Variants in SMARCA2 observed in about 807,000 individuals in gnomAD.
SMARCA2 encodes the protein SWI/SNF related BAF chromatin remodeling complex subunit ATPase 2.
A neutral mutation model predicts 199.8 loss-of-function variants in SMARCA2; 61 were observed. The ratio of observed to expected loss-of-function variants is 0.31; its 90% confidence interval spans 0.25 to 0.38. The LOEUF (loss-of-function observed/expected upper bound fraction) is 0.38, where lower values mean the gene tolerates loss of function less well. Among genes scored for constraint, SMARCA2 ranks in the 10% least tolerant of loss-of-function variants. The pLI, the probability that SMARCA2 is intolerant of heterozygous loss-of-function variation, is 1.00. For synonymous variants in SMARCA2, 935 were observed against 732.0 expected, an observed-to-expected ratio of 1.28 and a Z score of -4.48; for missense variants, 1,344 against 2,012.2, an observed-to-expected ratio of 0.67 and a Z score of 6.35.
intron 9 of SMARCA2, among the ~76,000 whole-genome samples, chr9:2,065,547 C>T (rs1375586269): frequency 6.6e-6 from 1 of 152,166 alleles, no homozygotes; most frequent in Admixed American, 6.5e-5. Flanking sequence ...TATTGGCCAA[C>T]ATAGTGGTAG....
At chr9:2,124,521 A>G (rs993365086) in intron 27 of SMARCA2, among the ~76,000 whole-genome samples, 4 of 152,182 alleles carry the variant, frequency 2.6e-5, no homozygotes, top group African/African-American at 9.7e-5. Context: ...GCTATGCAGG[A>G]CACACAGCTG....
chr9:2,061,044 A>C (rs917103832), intron 9 of SMARCA2, 58 bp downstream of exon 9: 2 of 1,520,772 alleles, frequency 1.3e-6, no homozygotes, highest in Non-Finnish European at 1.8e-6. Context: ...ATAAGTTTTT[A>C]AGGCGAGTAT....
In SMARCA2 at chr9:2,110,740, A is replaced by T. The variant is rs1822956090; in HGVS notation, c.3456+323A>T. On this transcript the variant is annotated intron_variant, in intron 24 of 33. Coordinates refer to ENST00000349721, the MANE Select transcript of SMARCA2 (RefSeq NM_003070.5). The surrounding 1 kb of genome is among the most constrained non-coding windows in gnomAD (Gnocchi z 4.8). ...ATGTTGCAAAATCATAGCAGTAAGA[A>T]CAATAGCAACCATCATTCATGGGAC... 1.3e-5 allele frequency among the ~76,000 whole-genome samples: 2 copies of T among 152,228 alleles called. No individual in the cohort carries two copies. The highest frequency in any genetic ancestry group is 3.9e-4 in the East Asian group (2 of 5,192).
At chr9:2,178,030 A>C (rs1826742396) in intron 29 of SMARCA2, among the ~76,000 whole-genome samples, 1 of 151,988 alleles carries the variant, frequency 6.6e-6, no homozygotes, top group African/African-American at 2.4e-5. Flanking sequence ...AAAAAAAAAA[A>C]CGGTTCCCAG....
At chr9:2,156,825 G>A (rs537251651) in intron 27 of SMARCA2, among the ~76,000 whole-genome samples, 2 of 152,208 alleles carry the variant, frequency 1.3e-5, no homozygotes, top group East Asian at 1.9e-4. Flanking sequence ...GAACTTTTCC[G>A]TTATCTCAAA....
At chr9:2,136,387 C>A (rs529686534) in intron 27 of SMARCA2, among the ~76,000 whole-genome samples, 1 of 152,054 alleles carries the variant, frequency 6.6e-6, no homozygotes, top group Admixed American at 6.5e-5. Context: ...GGGGTTTTGC[C>A]ATGTTGGCCA....
intron 21 of SMARCA2, among the ~76,000 whole-genome samples, chr9:2,098,842 G>A (rs572696116): frequency 5.4e-4 from 82 of 152,086 alleles, no homozygotes; most frequent in African/African-American, 1.9e-3. Context: ...AGCTATTCAG[G>A]AGGCTTAGGA....
chr9:2,038,512 T>G (rs1184079120), intron 3 of SMARCA2, among the ~76,000 whole-genome samples: 2 of 152,190 alleles, frequency 1.3e-5, no homozygotes, highest in Admixed American at 1.3e-4. Flanking sequence ...ACCAGTGGCT[T>G]AACCAGTGAC....
At position 2,047,078 on chromosome 9, in the gene SMARCA2, CCCT is replaced by C. The variant is rs950141868; in HGVS notation, c.791-147_791-145del. The C allele has an allele frequency of 6.3e-5, 28 of 447,010 alleles. No individual in the cohort carries two copies. In the South Asian group the frequency reaches 9.5e-4, roughly 15 times the overall value. The allele number at this position is 447,010 out of a possible 1,614,324, so 27.7% of individuals were successfully genotyped here. A position where few individuals can be genotyped will look rare whatever the true frequency, so the allele number is the denominator to read the frequency against. The stretch of plus-strand genomic sequence containing the variant: ...TCTCCCTCCCTCCTCTTCCTTCTTG[CCCT>C]CCTTTTTTTTTTTTTCCTTCTCTTC... On this transcript the variant is annotated intron_variant, in intron 4 of 33. Transcript: ENST00000349721.
intron 30 of SMARCA2, among the ~76,000 whole-genome samples, 162 bp downstream of exon 30, chr9:2,181,838 T>G (rs1827046877): frequency 6.6e-6 from 1 of 152,228 alleles, no homozygotes; most frequent in Non-Finnish European, 1.5e-5. Context: ...TGTTACTTAA[T>G]CATGTTGAGA....
At position 2,110,835 on chromosome 9, in the gene SMARCA2, A is replaced by G. The variant is rs1822960870; in HGVS notation, c.3456+418A>G. 2.0e-5 allele frequency among the ~76,000 whole-genome samples: 3 copies of G among 152,316 alleles called. No individual in the cohort carries two copies. The South Asian group carries it at 6.2e-4, about 32-fold the overall frequency. On this transcript the variant is annotated intron_variant, in intron 24 of 33. Transcript: ENST00000349721. The surrounding 1 kb of genome is among the most constrained non-coding windows in gnomAD (Gnocchi z 4.8). The stretch of plus-strand genomic sequence containing the variant: ...ACGACAACCCTGTCAGACGGTTAAT[A>G]TGATTTGAATCTTTGCAGTCAAGGA...
At chr9:2,062,963 G>A (rs1052211656) in intron 9 of SMARCA2, among the ~76,000 whole-genome samples, 5 of 152,076 alleles carry the variant, frequency 3.3e-5, no homozygotes, top group East Asian at 1.9e-4. Context: ...TGGCAAACGC[G>A]TAATAGTTGT....
chr9:2,060,118 CAAAAAAAAAAAA>C (rs372329238), intron 8 of SMARCA2, among the ~76,000 whole-genome samples: 7 of 62,412 alleles, frequency 1.1e-4, no homozygotes, highest in South Asian at 8.6e-4. Context: ...GATCTGTGGC[CAAAAAAAAAAAA>C]AAAAAAAAAA....
At chr9:2,088,782 G>A (rs570019007) in intron 19 of SMARCA2, among the ~76,000 whole-genome samples, 169 bp downstream of exon 19, 1 of 152,092 alleles carries the variant, frequency 6.6e-6, no homozygotes, top group African/African-American at 2.4e-5. Context: ...GAGAGAGCAG[G>A]GAAATTATAG....
chr9:2,033,274 C>A (rs566746931), intron 3 of SMARCA2, 193 bp downstream of exon 3: 1 of 549,906 alleles, frequency 1.8e-6, no homozygotes, highest in East Asian at 3.2e-5. Context: ...ATTTTATTTC[C>A]GAAGTCCTAG....
intron 27 of SMARCA2, among the ~76,000 whole-genome samples, chr9:2,151,423 A>G (rs1410629588): frequency 1.3e-5 from 2 of 151,586 alleles, no homozygotes; most frequent in Admixed American, 6.6e-5. Flanking sequence ...CCAGGCCAGC[A>G]TGAAGCTACA....
chr9:2,154,890 C>T (rs1586763173), intron 27 of SMARCA2, among the ~76,000 whole-genome samples: 1 of 152,182 alleles, frequency 6.6e-6, no homozygotes, highest in African/African-American at 2.4e-5. Context: ...GAGCCCTGCT[C>T]AACAGACAAG....
At chr9:2,052,074 A>G (rs1820143818) in intron 5 of SMARCA2, among the ~76,000 whole-genome samples, 1 of 152,252 alleles carries the variant, frequency 6.6e-6, no homozygotes, top group South Asian at 2.1e-4. Context: ...AATTTTGCCA[A>G]AAGAGTAAAA....
intron 27 of SMARCA2, among the ~76,000 whole-genome samples, chr9:2,150,200 G>A (rs950855722): frequency 6.6e-6 from 1 of 151,612 alleles, no homozygotes; most frequent in Middle Eastern, 3.4e-3. Flanking sequence ...CTTATTCATG[G>A]CTTCTACTCA....
Sources: gnomAD v4.1 joint callset for allele counts (sites outside exome capture counted in the v4.1 genomes callset) on GRCh38, gnomAD v4.1.1 for gene constraint, Gnocchi (gnomAD v3.1) non-coding constraint, MANE v1.5 for transcripts, NCBI Gene and HGNC (gene_info 2026-07-23, HGNC 2026-07-21) for gene names.